Variants in KCNH3 observed in about 807,000 individuals in gnomAD.
KCNH3 encodes potassium voltage-gated channel subfamily H member 3, also known as voltage-gated inwardly rectifying potassium channel KCNH3.
KCNH3 carries 36 observed loss-of-function variants against 95.6 expected under a neutral mutation model. The ratio of observed to expected loss-of-function variants is 0.38; its 90% CI spans 0.29 to 0.50. The LOEUF is 0.50. Among genes scored for constraint, KCNH3 ranks in the 20% least tolerant of loss-of-function variants. The pLI is 0.95. For missense variants in KCNH3, 1,030 were observed against 1,484.1 expected (o/e 0.69, Z 5.03); for synonymous variants, 620 against 646.3 (o/e 0.96, Z 0.62).
At position 49,540,945 on chromosome 12, in the gene KCNH3, C is replaced by G. The variant is rs768926424; in HGVS notation, c.123C>G (p.Pro41=). The change falls in exon 2 of 15, where the codon CCC becomes CCG. Residue 41 remains proline, a synonymous_variant. Coordinates refer to ENST00000257981, the MANE Select transcript of KCNH3 (RefSeq NM_012284.3). ...LGNAQVAGLF[P]VVYCSDGFCD... ...ACGCCCAGGTGGCGGGGCTCTTCCC[C>G]GTGGTCTACTGCTCTGATGGCTTCT... 4 of 1,614,222 alleles carry G rather than the reference C, an allele frequency of 2.5e-6. No homozygotes were observed. Among genetic ancestry groups the G allele is most frequent in the Admixed American group, 1.7e-5 (1 of 60,032 alleles).
chr12:49,549,192 G>C lies in KCNH3; in HGVS notation c.1468+19G>C, dbSNP rs748273740. The C allele has an allele frequency of 2.6e-6, 4 of 1,564,488 alleles. No individual in the cohort carries two copies. In the South Asian group the frequency reaches 4.7e-5, roughly 18 times the overall value. ...ATCGGCGGTGAGCCCGGCCGCGCGC[G>C]TCTTCCCGGGGCCACTCCCAGACTT... is the stretch of plus-strand genomic sequence containing the variant. On this transcript the variant is annotated intron_variant, in intron 8 of 14. Coordinates refer to ENST00000257981, the MANE Select transcript of KCNH3 (RefSeq NM_012284.3).
Position 49,542,727 on chromosome 12 carries a change from G to T in KCNH3, c.467G>T (p.Gly156Val), listed in dbSNP as rs1219760368. ...KETGGGRRRY[G>V]RARSKGFNAN... ...GCAGGTGGTGGCCGGCGCCGATATGGCCGGGCACGATCCAAAGGCTTCAAT... is the reference window on the plus strand; with the variant it reads ...GCAGGTGGTGGCCGGCGCCGATATGTCCGGGCACGATCCAAAGGCTTCAAT... Residue 156 changes from glycine (G) to valine (V), a missense_variant, in exon 4 of 15, where the codon GGC (glycine) becomes GTC (valine). Gly to Val is a moderately radical substitution (Grantham distance 109). Transcript: ENST00000257981. 1 of 1,582,192 alleles carries T rather than the reference G, an allele frequency of 6.3e-7. No individual in the cohort carries two copies.
Position 49,556,490 on chromosome 12 carries a change from G to A in KCNH3, c.2575+14G>A, listed in dbSNP as rs371249869. ...CCCCTGGACCAGGTACCAGGGCCCC[G>A]GGATGGTCTAGGTTGGTGGGGCAGC... On this transcript the variant is annotated intron_variant, in intron 13 of 14. Coordinates refer to ENST00000257981, the MANE Select transcript of KCNH3 (RefSeq NM_012284.3). 1.0e-4 allele frequency: 161 copies of A among 1,592,554 alleles called. No individual in the cohort carries two copies. The highest frequency in any genetic ancestry group is 1.3e-4 in the Non-Finnish European group (150 of 1,160,618).
At chr12:49,541,163 C>A in intron 2 of KCNH3, 31 bp downstream of exon 2, 1 of 1,541,568 alleles carries the variant, frequency 6.5e-7, no homozygotes, top group Non-Finnish European at 8.8e-7. Context: ...CCTGCCTCAC[C>A]TTTGCAGTCT....
rs1938540856 is a variant in KCNH3 at position 49,557,972 on chromosome 12, A to G, written c.*19A>G. On this transcript the variant is annotated 3_prime_UTR_variant, in exon 15 of 15. Transcript: ENST00000257981. ...GGTCTGAGTACCAGCCCTAGAACTC[A>G]GCGTTGCCAGGTGTGCTGCCATCTG... 1.4e-6 allele frequency: 2 copies of G among 1,450,888 alleles called. No individual in the cohort carries two copies. The highest frequency in any genetic ancestry group is 1.8e-6 in the Non-Finnish European group (2 of 1,098,224). 89.9% of individuals were successfully genotyped at this position (1,450,888 alleles called of 1,614,324 possible).
intron 7 of KCNH3, among the ~76,000 whole-genome samples, chr12:49,544,973 G>T (rs1374321877): frequency 2.0e-5 from 3 of 151,920 alleles, no homozygotes; most frequent in African/African-American, 7.3e-5. Flanking sequence ...CTTAACTCCT[G>T]CTGGGAGGGC....
chr12:49,556,093 C>A, intron 12 of KCNH3, 142 bp downstream of exon 12: 1 of 598,766 alleles, frequency 1.7e-6, no homozygotes, highest in Admixed American at 3.0e-5. Context: ...CTCCAGGAAG[C>A]CTTCTGTGCT....
chr12:49,540,407 G>T (rs975648291), intron 1 of KCNH3, among the ~76,000 whole-genome samples: 8 of 152,268 alleles, frequency 5.3e-5, no homozygotes, highest in African/African-American at 1.9e-4. Context: ...GCCAGGTCAG[G>T]CAGCTAGGGC....
intron 10 of KCNH3, among the ~76,000 whole-genome samples, chr12:49,551,262 C>A (rs1291344990): frequency 6.6e-6 from 1 of 152,094 alleles, no homozygotes; most frequent in Admixed American, 6.5e-5. Context: ...CTCAGGGAAA[C>A]ATGGGGCTGT....
rs1410369662 is a variant in KCNH3, at chr12:49,554,394, A to G, written c.1976A>G (p.Asn659Ser). 1 of 1,613,348 alleles carries G rather than the reference A, an allele frequency of 6.2e-7. No individual in the cohort carries two copies. The highest frequency in any genetic ancestry group is 1.7e-5 in the Admixed American group (1 of 60,030). Residue 659 changes from asparagine to serine, a missense_variant, in exon 11 of 15, where the codon AAT becomes AGT. Physicochemically the swap from Asn to Ser is conservative, Grantham distance 46 (BLOSUM62 1). Coordinates refer to ENST00000257981, the MANE Select transcript of KCNH3 (RefSeq NM_012284.3). ...LPRREQVVKA[N>S]ADVKGLTYCV... ...CGGCGGGAGCAGGTGGTAAAGGCCA[A>G]TGCCGACGTGAAGGGGCTGACGTAC...
At position 49,555,643 on chromosome 12, in the gene KCNH3, C is replaced by T. The variant is rs1405089232; in HGVS notation, c.2160C>T (p.Gly720=). The stretch of plus-strand genomic sequence containing the variant: ...AGGTGGACACCAGCTCCCTGAGCGG[C>T]GACAATACCCTTATGTCCACGCTGG... ...SAEVDTSSLS[G]DNTLMSTLEE... is the part of the protein sequence containing the mutation. Residue 720 remains glycine, a synonymous_variant, in exon 12 of 15, where the codon GGC becomes GGT. Transcript: ENST00000257981. The T allele has an allele frequency of 2.6e-6, 4 of 1,555,546 alleles. No individual in the cohort carries two copies. Among genetic ancestry groups the T allele is most frequent in the African/African-American group, 1.4e-5 (1 of 73,328 alleles).
intron 4 of KCNH3, 46 bp downstream of exon 4, chr12:49,542,885 A>G: frequency 2.5e-6 from 4 of 1,588,460 alleles, no homozygotes; most frequent in Non-Finnish European, 3.4e-6. Flanking sequence ...GGGCAGACGC[A>G]GAAGATGGGG....
Position 49,539,748 on chromosome 12 carries a change from C to G in KCNH3, c.76+256C>G, listed in dbSNP as rs1351529099. Among the ~76,000 whole-genome samples, 2 of 152,288 alleles carry G rather than the reference C, an allele frequency of 1.3e-5. No homozygotes were observed. The highest frequency in any genetic ancestry group is 2.9e-5 in the Non-Finnish European group (2 of 68,026). ...CTGGGTGTGGGTCCTGGGATGCTCT[C>G]TGTTAGCCGGGTCTCGAACCCGAAC... On this transcript the variant is annotated intron_variant, in intron 1 of 14. Transcript: ENST00000257981. This position sits in a 1 kb window ranked among gnomAD's most constrained non-coding sequence, Gnocchi z 6.7.
At chr12:49,541,511 C>G in intron 2 of KCNH3, 119 bp from the exon 3 acceptor site, 1 of 1,226,114 alleles carries the variant, frequency 8.2e-7, no homozygotes, top group Non-Finnish European at 1.2e-6. Flanking sequence ...CCAGCCCTTC[C>G]CCCAGGAAAC....
intron 5 of KCNH3, 192 bp downstream of exon 5, chr12:49,543,710 A>T: frequency 9.7e-7 from 1 of 1,034,846 alleles, no homozygotes; most frequent in Non-Finnish European, 1.4e-6. Flanking sequence ...GAGCTGGTCA[A>T]AGCCTCTCTG....
rs1938549526 is a variant in KCNH3, at chr12:49,558,133, C to A, written c.*180C>A. The A allele has an allele frequency of 3.3e-6, 2 of 610,406 alleles. No individual in the cohort carries two copies. The highest frequency in any genetic ancestry group is 3.3e-5 in the East Asian group (1 of 30,384). 37.8% of individuals were successfully genotyped at this position (610,406 alleles called of 1,614,324 possible). On this transcript the variant is annotated 3_prime_UTR_variant, in exon 15 of 15. Coordinates refer to ENST00000257981, the MANE Select transcript of KCNH3 (RefSeq NM_012284.3). ...GACTCTCAGAGAGGATAGGCTGGAT[C>A]CCTGGGGCAGGCCTCTCCTCGGCCT...
rs59779461 is a variant in KCNH3, at chr12:49,558,286, A to T, written c.*333A>T. ...CCCAAATTTTTATATTAAAAAAAAAAAATAAAATAAACTACTTTGGAACCT... is the reference window on the plus strand; with the variant it reads ...CCCAAATTTTTATATTAAAAAAAAATAATAAAATAAACTACTTTGGAACCT... On this transcript the variant is annotated 3_prime_UTR_variant, in exon 15 of 15. Transcript: ENST00000257981. 2.9e-3 allele frequency: 1,129 copies of T among 395,378 alleles called. 11 individuals carry two copies. Among genetic ancestry groups the T allele is most frequent in the East Asian group, 0.025 (684 of 27,358 alleles). 24.5% of individuals were successfully genotyped at this position (395,378 alleles called of 1,614,324 possible). A position where few individuals can be genotyped will look rare whatever the true frequency, so the allele number is the denominator to read the frequency against.
Position 49,557,749 on chromosome 12 carries a change from C to T in KCNH3, c.3048C>T (p.Ala1016=), listed in dbSNP as rs1390750777. 1.2e-6 allele frequency: 2 copies of T among 1,613,166 alleles called. No homozygotes were observed. Among genetic ancestry groups the T allele is most frequent in the East Asian group, 4.5e-5 (2 of 44,868 alleles). ...GDLCSEPSTP[A]SPPPSEEGAR... is the part of the protein sequence containing the mutation. Reference sequence around the variant, plus strand: ...TCTGCTCTGAGCCCAGCACCCCTGCCTCCCCTCCTCCTTCTGAGGAAGGGG... The same window carrying T: ...TCTGCTCTGAGCCCAGCACCCCTGCTTCCCCTCCTCCTTCTGAGGAAGGGG... Residue 1016 remains alanine (A), a synonymous_variant, in exon 15 of 15, where the codon GCC becomes GCT. Coordinates refer to ENST00000257981, the MANE Select transcript of KCNH3 (RefSeq NM_012284.3).
chr12:49,555,749 C>T lies in KCNH3; in HGVS notation c.2266C>T (p.Pro756Ser), dbSNP rs769851394. The T allele has an allele frequency of 6.2e-7, 1 of 1,613,538 alleles. No individual in the cohort carries two copies. The highest frequency in any genetic ancestry group is 1.1e-5 in the South Asian group (1 of 91,000). ...ADEPSSPLLS[P>S]GCTSSSSAAK... ...TGAGCCCTCCAGCCCCCTGCTGTCC[C>T]CTGGCTGCACCTCCTCATCCTCAGC... The change falls in exon 12 of 15, where the codon CCT (proline) becomes TCT (serine). Residue 756 changes from proline to serine, a missense_variant. Pro to Ser is a moderately conservative substitution (Grantham distance 74). Coordinates refer to ENST00000257981, the MANE Select transcript of KCNH3 (RefSeq NM_012284.3).
Sources: gnomAD v4.1 joint callset for allele counts (sites outside exome capture counted in the v4.1 genomes callset) on GRCh38, gnomAD v4.1.1 for gene constraint, Gnocchi (gnomAD v3.1) non-coding constraint, MANE v1.5 for transcripts, NCBI Gene and HGNC (gene_info 2026-07-23, HGNC 2026-07-21) for gene names.